Variants in KCNC2 observed in about 807,000 individuals in gnomAD.
KCNC2 encodes the protein voltage-gated potassium channel KCNC2.
A neutral mutation model predicts 44.5 loss-of-function variants in KCNC2; 21 were observed. The ratio of observed to expected loss-of-function variants is 0.47; its 90% CI spans 0.33 to 0.68. KCNC2 has a LOEUF of 0.68. Ranked by LOEUF, KCNC2 falls within the 30% of genes least tolerant of loss-of-function variation. The pLI, the probability that KCNC2 is intolerant of heterozygous loss-of-function variation, is 0.01. For missense variants in KCNC2, 589 were observed against 826.2 expected, an observed-to-expected ratio of 0.71 and a Z score of 3.52; for synonymous variants, 391 against 339.1, an observed-to-expected ratio of 1.15 and a Z score of -1.68.
intron 2 of KCNC2, among the ~76,000 whole-genome samples, chr12:75,094,172 C>A (rs922564474): frequency 6.6e-6 from 1 of 151,604 alleles, no homozygotes; most frequent in South Asian, 2.1e-4. Flanking sequence ...AAATATGATT[C>A]TCTTTTAAAG....
rs10506672 is a variant in KCNC2 at position 75,128,289 on chromosome 12, G to A, written c.688-76972C>T. 0.016 allele frequency among the ~76,000 whole-genome samples: 2,374 copies of A among 152,024 alleles called. 240 individuals carry two copies. In the East Asian group the frequency reaches 0.28, roughly 18 times the overall value. ...CCCCATATGCTTTAAAAACCTACCA[G>A]GAAAGAGCAAGAAGTTTGCATTAGC... On this transcript the variant is annotated intron_variant, in intron 2 of 4. Coordinates refer to ENST00000549446, the MANE Select transcript of KCNC2 (RefSeq NM_139137.4).
At chr12:75,129,477 G>C (rs972750097) in intron 2 of KCNC2, among the ~76,000 whole-genome samples, 2 of 151,994 alleles carry the variant, frequency 1.3e-5, no homozygotes, top group African/African-American at 4.8e-5. Context: ...TATCTTGTTC[G>C]TTCTAACTTC....
intron 2 of KCNC2, among the ~76,000 whole-genome samples, chr12:75,198,997 T>G (rs891016996): frequency 1.3e-5 from 2 of 151,840 alleles, no homozygotes; most frequent in Admixed American, 1.3e-4. Context: ...AAAAGATGTC[T>G]TTGCATTTTA....
chr12:75,104,394 A>G (rs190701390), intron 2 of KCNC2, among the ~76,000 whole-genome samples: 15 of 152,262 alleles, frequency 9.9e-5, no homozygotes, highest in South Asian at 2.1e-4. Context: ...GGAATTTTCA[A>G]TTTAATATTT....
chr12:75,049,251 G>C (rs1189241777), intron 3 of KCNC2, among the ~76,000 whole-genome samples: 1 of 152,110 alleles, frequency 6.6e-6, no homozygotes, highest in Non-Finnish European at 1.5e-5. Flanking sequence ...ATTTCTAGAA[G>C]CTAAGGAGGG....
At chr12:75,177,911 A>G (rs1892304663) in intron 2 of KCNC2, among the ~76,000 whole-genome samples, 1 of 152,026 alleles carries the variant, frequency 6.6e-6, no homozygotes, top group African/African-American at 2.4e-5. Context: ...TCTCTTAAAA[A>G]GAAGAAAAGT....
chr12:75,072,317 G>A (rs1883500098), intron 2 of KCNC2, among the ~76,000 whole-genome samples: 1 of 152,024 alleles, frequency 6.6e-6, no homozygotes, highest in Admixed American at 6.6e-5. Flanking sequence ...TTCAATTAAG[G>A]TTTAAAAAGA....
At chr12:75,112,149 A>G (rs1417695435) in intron 2 of KCNC2, among the ~76,000 whole-genome samples, 1 of 152,010 alleles carries the variant, frequency 6.6e-6, no homozygotes, top group Non-Finnish European at 1.5e-5. Flanking sequence ...TGTGAAAAAT[A>G]CAAAAATAAA....
At chr12:75,173,477 T>C (rs968087700) in intron 2 of KCNC2, among the ~76,000 whole-genome samples, 1 of 151,800 alleles carries the variant, frequency 6.6e-6, no homozygotes, top group African/African-American at 2.4e-5. Context: ...TCCTCATTTC[T>C]CACAAACAAA....
Position 75,042,148 on chromosome 12 carries a change from CAA to C in KCNC2, c.*955_*956del. On this transcript the variant is annotated 3_prime_UTR_variant, in exon 5 of 5. Coordinates refer to ENST00000549446, the MANE Select transcript of KCNC2 (RefSeq NM_139137.4). Reference sequence around the variant, plus strand: ...AAAATAAGGGGGTAAAAAAAAGACACAAGAGCTTTGGGTGATATTTGGCACTC... The same window carrying C: ...AAAATAAGGGGGTAAAAAAAAGACACGAGCTTTGGGTGATATTTGGCACTC... The C allele has an allele frequency of 8.0e-7, 1 of 1,255,348 alleles. No homozygotes were observed. The highest frequency in any genetic ancestry group is 4.1e-5 in the Admixed American group (1 of 24,432). The allele number at this position is 1,255,348 out of a possible 1,614,324, so 77.8% of individuals were successfully genotyped here. A position where few individuals can be genotyped will look rare whatever the true frequency, so the allele number is the denominator to read the frequency against.
At chr12:75,160,408 GA>G (rs1202508789) in intron 2 of KCNC2, among the ~76,000 whole-genome samples, 1 of 151,424 alleles carries the variant, frequency 6.6e-6, no homozygotes, top group Non-Finnish European at 1.5e-5. Context: ...AATACAGTTA[GA>G]AAAAAAAGTA....
intron 2 of KCNC2, among the ~76,000 whole-genome samples, chr12:75,060,369 C>A (rs1882187151): frequency 6.6e-6 from 1 of 152,036 alleles, no homozygotes; most frequent in Non-Finnish European, 1.5e-5. Flanking sequence ...TGGGAATAAG[C>A]ACTCTTTTAG....
chr12:75,089,444 T>C (rs1349236389), intron 2 of KCNC2, among the ~76,000 whole-genome samples: 1 of 151,854 alleles, frequency 6.6e-6, no homozygotes, highest in African/African-American at 2.4e-5. Flanking sequence ...TGGGCTCTTC[T>C]TTGAAAGATT....
intron 2 of KCNC2, among the ~76,000 whole-genome samples, chr12:75,106,226 G>A (rs1886770828): frequency 1.3e-5 from 2 of 152,170 alleles, no homozygotes; most frequent in African/African-American, 2.4e-5. Context: ...AACTTGAAAA[G>A]AGCAGTCTCA....
intron 2 of KCNC2, among the ~76,000 whole-genome samples, chr12:75,144,677 C>G (rs1889892170): frequency 6.6e-6 from 1 of 151,564 alleles, no homozygotes; most frequent in South Asian, 2.1e-4. Context: ...AAAACACATT[C>G]CAGAGTTTCT....
intron 2 of KCNC2, among the ~76,000 whole-genome samples, chr12:75,146,090 G>A (rs940942457): frequency 2.6e-5 from 4 of 151,798 alleles, no homozygotes; most frequent in Admixed American, 6.6e-5. Context: ...TAGTAGCTGG[G>A]ACTACAGGTG....
intron 2 of KCNC2, among the ~76,000 whole-genome samples, chr12:75,084,275 AGATAGATAGATAGAT>A (rs1161673667): frequency 6.9e-5 from 9 of 130,502 alleles, no homozygotes; most frequent in Middle Eastern, 3.6e-3. Flanking sequence ...TAGATTAGAT[AGATAGATAGATAGAT>A]GATAGATAGA....
At chr12:75,141,097 A>C (rs1889620684) in intron 2 of KCNC2, among the ~76,000 whole-genome samples, 1 of 152,202 alleles carries the variant, frequency 6.6e-6, no homozygotes, top group Admixed American at 6.5e-5. Context: ...ACACAATTGC[A>C]TAACCCACCA....
chr12:75,161,014 G>T (rs1032409980), intron 2 of KCNC2, among the ~76,000 whole-genome samples: 1 of 151,640 alleles, frequency 6.6e-6, no homozygotes, highest in Non-Finnish European at 1.5e-5. Context: ...ACAGAATGTT[G>T]TATTTGCATT....
Sources: allele counts gnomAD v4.1 joint callset (sites outside exome capture counted in the v4.1 genomes callset), GRCh38; gene constraint gnomAD v4.1.1; transcripts MANE v1.5; gene names NCBI Gene and HGNC (gene_info 2026-07-23, HGNC 2026-07-21).